TEKT1: variants seen among roughly 807,000 people sequenced by gnomAD.
TEKT1 encodes the protein tektin 1, also known as tektin-1.
In TEKT1, 32 loss-of-function variants were observed where a neutral mutation model predicts 34.8. The ratio of observed to expected loss-of-function variants is 0.92; its 90% CI spans 0.69 to 1.23. TEKT1 has a LOEUF of 1.23. Ranked by LOEUF, TEKT1 falls within the 50% of genes most tolerant of loss-of-function variation. TEKT1 has a pLI of 0.00. For synonymous variants in TEKT1, 207 were observed against 199.8 expected, an observed-to-expected ratio of 1.04 and a Z score of -0.30; for missense variants, 492 against 518.5, an observed-to-expected ratio of 0.95 and a Z score of 0.50.
Position 6,812,938 on chromosome 17 carries a change from T to C in TEKT1, c.745A>G (p.Thr249Ala). 6.2e-7 allele frequency: 1 copy of C among 1,614,246 alleles called. No individual in the cohort carries two copies. The highest frequency in any genetic ancestry group is 8.5e-7 in the Non-Finnish European group (1 of 1,180,038). Residue 249 changes from threonine (T) to alanine (A), a missense_variant, in exon 6 of 8, where the codon ACA becomes GCA. Physicochemically the swap from Thr to Ala is moderately conservative, Grantham distance 58. Coordinates refer to ENST00000338694, the MANE Select transcript of TEKT1 (RefSeq NM_053285.2). The part of the protein sequence containing the change: ...KALVDRILSQ[T>A]ANDLRKQCDV... Reference sequence around the variant, plus strand: ...CACTGCTTGCGCAGATCATTGGCTGTCTGGGACAGGATTCGATCCACCAGG... The same window carrying C: ...CACTGCTTGCGCAGATCATTGGCTGCCTGGGACAGGATTCGATCCACCAGG...
intron 6 of TEKT1, among the ~76,000 whole-genome samples, chr17:6,812,203 A>G (rs1597788506): frequency 6.6e-6 from 1 of 152,208 alleles, no homozygotes; most frequent in Admixed American, 6.5e-5. Flanking sequence ...ACCTTCTGCC[A>G]CGACTGTAAG....
chr17:6,815,318 AAGT>A lies in TEKT1; in HGVS notation c.486-15_486-13del. ...CAGAGCGGTTCATCCTGAAGGGAGA[AAGT>A]AAACTGGGTTTCTGCCTCTGGAGTG... On this transcript the variant is annotated splice_polypyrimidine_tract_variant and intron_variant, in intron 4 of 7. Transcript: ENST00000338694. 6.2e-7 allele frequency: 1 copy of A among 1,614,176 alleles called. No homozygotes were observed. Among genetic ancestry groups the A allele is most frequent in the South Asian group, 1.1e-5 (1 of 91,082 alleles).
At chr17:6,815,052 A>G (rs951466484) in intron 5 of TEKT1, 111 bp downstream of exon 5, 9 of 1,386,610 alleles carry the variant, frequency 6.5e-6, no homozygotes, top group Non-Finnish European at 8.9e-6. Flanking sequence ...CCTTTGCCCC[A>G]AGCCCACCAC....
Position 6,800,241 on chromosome 17 carries a change from G to A in TEKT1, c.1050-7C>T, listed in dbSNP as rs1167832665. 6.2e-7 allele frequency: 1 copy of A among 1,611,686 alleles called. No individual in the cohort carries two copies. Among genetic ancestry groups the A allele is most frequent in the Non-Finnish European group, 8.5e-7 (1 of 1,179,124 alleles). ...GGCTAAAGTTTCCTTCAATCTAGGA[G>A]AAAGGGAAGAAGAGAAGAGAATAAT... is the stretch of plus-strand genomic sequence containing the variant. On this transcript the variant is annotated splice_region_variant and splice_polypyrimidine_tract_variant and intron_variant, in intron 7 of 7. Transcript: ENST00000338694.
At chr17:6,818,008 C>A (rs12103647) in intron 3 of TEKT1, among the ~76,000 whole-genome samples, 7,099 of 152,130 alleles carry the variant, frequency 0.047, 530 homozygotes, top group African/African-American at 0.16. Context: ...GTTCCTGCAA[C>A]GGGTCCTGTT....
At chr17:6,817,313 T>G (rs1353893200) in intron 3 of TEKT1, among the ~76,000 whole-genome samples, 1 of 150,080 alleles carries the variant, frequency 6.7e-6, no homozygotes, top group Non-Finnish European at 1.5e-5. Flanking sequence ...AGGTGGAGGT[T>G]TCGGTGGGCC....
intron 2 of TEKT1, among the ~76,000 whole-genome samples, chr17:6,825,601 TG>T (rs1315448391): frequency 6.6e-6 from 1 of 152,206 alleles, no homozygotes; most frequent in Non-Finnish European, 1.5e-5. Flanking sequence ...AGAATATAAC[TG>T]GCATCCCAGG....
intron 2 of TEKT1, among the ~76,000 whole-genome samples, chr17:6,828,917 G>A (rs112745347): frequency 2.6e-5 from 4 of 152,178 alleles, no homozygotes; most frequent in African/African-American, 7.2e-5. Context: ...TTGGGAGGCT[G>A]AGGCGGGCGG....
chr17:6,822,002 G>A (rs997672416), intron 2 of TEKT1, among the ~76,000 whole-genome samples: 6 of 152,160 alleles, frequency 3.9e-5, no homozygotes, highest in Non-Finnish European at 2.9e-5. Context: ...ACAAGAAGCC[G>A]AATGCTAATT....
Position 6,815,922 on chromosome 17 carries a change from C to T in TEKT1, c.397G>A (p.Glu133Lys), listed in dbSNP as rs1289223497. ...IGIDLVHDTVEHELIKEAEII... is the reference protein window; with the variant it reads ...IGIDLVHDTVKHELIKEAEII... ...TCAGCCTCCTTTATCAGCTCATGCT[C>T]CACTGTGTCGTGCACCAGGTCAATG... Residue 133 changes from glutamate (E) to lysine (K), a missense_variant, in exon 4 of 8, where the codon GAG (glutamate) becomes AAG (lysine). Coordinates refer to ENST00000338694, the MANE Select transcript of TEKT1 (RefSeq NM_053285.2). The T allele has an allele frequency of 6.2e-7, 1 of 1,613,996 alleles. No homozygotes were observed. Among genetic ancestry groups the T allele is most frequent in the East Asian group, 2.2e-5 (1 of 44,872 alleles).
At chr17:6,807,445 T>A (rs754827136) in intron 6 of TEKT1, among the ~76,000 whole-genome samples, 31 of 152,226 alleles carry the variant, frequency 2.0e-4, no homozygotes, top group Non-Finnish European at 3.7e-4. Context: ...AGTTTGATCA[T>A]CTGAAGCCTT....
chr17:6,802,998 G>T (rs1310917027), intron 6 of TEKT1, among the ~76,000 whole-genome samples: 1 of 151,906 alleles, frequency 6.6e-6, no homozygotes, highest in African/African-American at 2.4e-5. Flanking sequence ...TGGGTCAAAT[G>T]GTATTTCTAG....
chr17:6,810,356 C>T (rs75140264), intron 6 of TEKT1, among the ~76,000 whole-genome samples: 13,303 of 152,048 alleles, frequency 0.087, 689 homozygotes, highest in Middle Eastern at 0.19. Flanking sequence ...GTTCTTTGTA[C>T]GTTTTGGATA....
chr17:6,815,135 G>A lies in TEKT1; in HGVS notation c.629+28C>T, dbSNP rs3809833. 3.3e-4 allele frequency: 521 copies of A among 1,591,436 alleles called. 1 individual carries two copies. In the East Asian group the frequency reaches 9.2e-3, roughly 28 times the overall value. On this transcript the variant is annotated intron_variant, in intron 5 of 7. Coordinates refer to ENST00000338694, the MANE Select transcript of TEKT1 (RefSeq NM_053285.2). ...ATCTGAGAAGCACTGGGTCACCCGC[G>A]AGGAGGAAGACGGCAAGGCCCACTC...
At chr17:6,805,073 G>T (rs1239374719) in intron 6 of TEKT1, among the ~76,000 whole-genome samples, 1 of 152,130 alleles carries the variant, frequency 6.6e-6, no homozygotes, top group African/African-American at 2.4e-5. Context: ...GTAGAATTCG[G>T]CTGGGAATCC....
chr17:6,799,674 G>A lies in TEKT1; in HGVS notation c.*353C>T, dbSNP rs1303559880. On this transcript the variant is annotated 3_prime_UTR_variant, in exon 8 of 8. Transcript: ENST00000338694. ...ATTTTGAGAGCCAAGAGAAAGGTTA[G>A]CATCCCATCTCATGAGCAAGAGGGG... is the stretch of plus-strand genomic sequence containing the variant. 2 of 179,972 alleles carry A rather than the reference G, an allele frequency of 1.1e-5. No homozygotes were observed. Among genetic ancestry groups the A allele is most frequent in the African/African-American group, 4.7e-5 (2 of 42,630 alleles). The allele number at this position is 179,972 out of a possible 1,614,324, so 11.1% of individuals were successfully genotyped here. A position where few individuals can be genotyped will look rare whatever the true frequency, so the allele number is the denominator to read the frequency against.
intron 4 of TEKT1, 39 bp from the exon 5 acceptor site, chr17:6,815,345 T>C (rs1423369899): frequency 1.2e-6 from 2 of 1,613,888 alleles, no homozygotes; most frequent in Non-Finnish European, 1.7e-6. Context: ...GCCTCTGGAG[T>C]GCCCAGGTGG....
At chr17:6,826,893 C>T (rs1013302325) in intron 2 of TEKT1, among the ~76,000 whole-genome samples, 1 of 152,004 alleles carries the variant, frequency 6.6e-6, no homozygotes, top group Non-Finnish European at 1.5e-5. Flanking sequence ...GATGGAGTTT[C>T]ACCATGCTAG....
At chr17:6,829,515 C>CT (rs34702459) in intron 2 of TEKT1, among the ~76,000 whole-genome samples, 1,926 of 137,630 alleles carry the variant, frequency 0.014, 35 homozygotes, top group African/African-American at 0.045. Flanking sequence ...CTTTTTCTTT[C>CT]TTTTTTTTTT....
Sources: gnomAD v4.1 joint callset for allele counts (sites outside exome capture counted in the v4.1 genomes callset) on GRCh38, gnomAD v4.1.1 for gene constraint, MANE v1.5 for transcripts, NCBI Gene and HGNC (gene_info 2026-07-23, HGNC 2026-07-21) for gene names.